Variants in RBPJ observed in about 807,000 individuals in gnomAD.
RBPJ encodes recombination signal binding protein for immunoglobulin kappa J region.
A neutral mutation model predicts 67.8 loss-of-function variants in RBPJ; 9 were observed. That is an observed-to-expected ratio of 0.13 (90% CI 0.08 to 0.23). The LOEUF (loss-of-function observed/expected upper bound fraction) is 0.23, where lower values mean the gene tolerates loss of function less well. RBPJ is among the 10% of genes least tolerant of loss of function. The pLI is 1.00. For synonymous variants in RBPJ, 198 were observed against 203.3 expected (o/e 0.97, Z 0.22); for missense variants, 305 against 595.6 (o/e 0.51, Z 5.08).
At position 26,431,885 on chromosome 4, in the gene RBPJ, A is replaced by C. The variant is rs926772484; in HGVS notation, c.*878A>C. The C allele has an allele frequency of 1.4e-4, 21 of 152,260 alleles. No homozygotes were observed. Among genetic ancestry groups the C allele is most frequent in the African/African-American group, 4.8e-4 (20 of 41,540 alleles). The allele number at this position is 152,260 out of a possible 1,614,324, so 9.4% of individuals were successfully genotyped here. Reference sequence around the variant, plus strand: ...GGTTATCTGAGAGGTTCTAACATTCACATGCAATTTGGTGTGGCCATTTAG... The same window carrying C: ...GGTTATCTGAGAGGTTCTAACATTCCCATGCAATTTGGTGTGGCCATTTAG... On this transcript the variant is annotated 3_prime_UTR_variant, in exon 11 of 11. Transcript: ENST00000355476.
At chr4:26,193,453 T>C (rs6826292) in intron 1 of RBPJ, among the ~76,000 whole-genome samples, 106,172 of 151,982 alleles carry the variant, frequency 0.7, 37,572 homozygotes, top group African/African-American at 0.78. Context: ...GTTCTTTTTA[T>C]GAAAATTTCC....
At chr4:26,271,413 G>T (rs923254767) in intron 1 of RBPJ, among the ~76,000 whole-genome samples, 1 of 152,108 alleles carries the variant, frequency 6.6e-6, no homozygotes, top group Admixed American at 6.6e-5. Context: ...GGAGATGTAG[G>T]TAACTCAGGA....
At chr4:26,120,288 G>A in the RBPJ span, among the ~76,000 whole-genome samples, 7 of 152,204 alleles carry the variant, frequency 4.6e-5, no homozygotes, top group South Asian at 2.1e-4. Flanking sequence ...CCAGATCTCC[G>A]CTGGGCAGGC....
intron 1 of RBPJ, among the ~76,000 whole-genome samples, chr4:26,301,756 A>G (rs1722086667): frequency 6.6e-6 from 1 of 152,100 alleles, no homozygotes; most frequent in South Asian, 2.1e-4. Flanking sequence ...TAGGCATGAT[A>G]TAGGCTGAAG....
chr4:26,292,018 A>C (rs1721687283), intron 1 of RBPJ, among the ~76,000 whole-genome samples: 1 of 150,998 alleles, frequency 6.6e-6, no homozygotes, highest in African/African-American at 2.4e-5. Flanking sequence ...TGATTACCAC[A>C]ATCAAGTTAG....
At chr4:26,268,919 T>A (rs1720791060) in intron 1 of RBPJ, among the ~76,000 whole-genome samples, 1 of 152,250 alleles carries the variant, frequency 6.6e-6, no homozygotes, top group South Asian at 2.1e-4. Context: ...GTATGTTTAC[T>A]CCCTGGATAT....
chr4:26,400,365 G>A (rs3109841), intron 2 of RBPJ, among the ~76,000 whole-genome samples: 2 of 152,070 alleles, frequency 1.3e-5, no homozygotes, highest in African/African-American at 4.8e-5. Flanking sequence ...CTGCTACATA[G>A]TCCTACAATG....
chr4:26,319,776 G>C (rs889281003), upstream of RBPJ: 33 of 1,178,452 alleles, frequency 2.8e-5, no homozygotes, highest in Admixed American at 3.5e-5. Flanking sequence ...AACAGGTTTC[G>C]GGCGGCGAAT....
At chr4:26,193,071 C>T (rs1717625467) in intron 1 of RBPJ, among the ~76,000 whole-genome samples, 1 of 152,100 alleles carries the variant, frequency 6.6e-6, no homozygotes, top group African/African-American at 2.4e-5. Context: ...GAATTCAGGT[C>T]CCTAGAGGCT....
chr4:26,257,210 T>G (rs770405084), intron 1 of RBPJ, among the ~76,000 whole-genome samples: 1 of 152,240 alleles, frequency 6.6e-6, no homozygotes, highest in Non-Finnish European at 1.5e-5. Context: ...CAATCATGAT[T>G]GCTATCACAT....
At chr4:26,370,024 C>T (rs144655285) in intron 1 of RBPJ, among the ~76,000 whole-genome samples, 1 of 152,212 alleles carries the variant, frequency 6.6e-6, no homozygotes, top group Non-Finnish European at 1.5e-5. Context: ...ATCTGACCAA[C>T]AAGGATCAAG....
intron 1 of RBPJ, among the ~76,000 whole-genome samples, chr4:26,179,441 A>T (rs796289451): frequency 1.3e-5 from 2 of 151,988 alleles, no homozygotes; most frequent in African/African-American, 4.8e-5. Flanking sequence ...GGGCCCCAGA[A>T]TCCCCCATGC....
upstream of RBPJ, among the ~76,000 whole-genome samples, chr4:26,316,685 T>TATTGTGTATATATATATATACAC (rs1560258804): frequency 7.0e-6 from 1 of 143,342 alleles, no homozygotes; most frequent in Non-Finnish European, 1.5e-5. Flanking sequence ...TATATATATA[T>TATTGTGTATATATATATATACAC]ACACATATTG....
chr4:26,188,859 T>C (rs1447700385), intron 1 of RBPJ, among the ~76,000 whole-genome samples: 1 of 152,232 alleles, frequency 6.6e-6, no homozygotes, highest in African/African-American at 2.4e-5. Flanking sequence ...CAAGTTTACA[T>C]TGATATAGAT....
intron 1 of RBPJ, among the ~76,000 whole-genome samples, chr4:26,255,212 G>A (rs1720263560): frequency 7.0e-6 from 1 of 142,144 alleles, no homozygotes; most frequent in Admixed American, 7.0e-5. Flanking sequence ...GGACCATCCT[G>A]GCTAACACGG....
At chr4:26,172,326 T>A (rs1417342582) in intron 1 of RBPJ, among the ~76,000 whole-genome samples, 1 of 151,838 alleles carries the variant, frequency 6.6e-6, no homozygotes, top group Non-Finnish European at 1.5e-5. Flanking sequence ...AGAAAAAAAA[T>A]TTGGACCACT....
chr4:26,127,797 G>T, the RBPJ span, among the ~76,000 whole-genome samples: 7 of 152,322 alleles, frequency 4.6e-5, no homozygotes, highest in Middle Eastern at 3.4e-3. Context: ...ACAGAGACAT[G>T]AGATAAATCA....
At chr4:26,108,377 C>T in the RBPJ span, among the ~76,000 whole-genome samples, 7 of 152,214 alleles carry the variant, frequency 4.6e-5, no homozygotes, top group Non-Finnish European at 1.0e-4. Flanking sequence ...GGGCAGTTCC[C>T]TTTGCCTTTT....
chr4:26,191,180 AATATATATATATAT>A (rs1245359104), intron 1 of RBPJ, among the ~76,000 whole-genome samples: 68 of 59,652 alleles, frequency 1.1e-3, no homozygotes, highest in African/African-American at 4.0e-3. Context: ...AAAAAAAAAA[AATATATATATATAT>A]ATATATATAT....
Sources: allele counts gnomAD v4.1 joint callset (sites outside exome capture counted in the v4.1 genomes callset), GRCh38; gene constraint gnomAD v4.1.1; transcripts MANE v1.5; gene names NCBI Gene and HGNC (gene_info 2026-07-23, HGNC 2026-07-21).